ZBTB20: variants seen among roughly 807,000 people sequenced by gnomAD.
ZBTB20 encodes zinc finger and BTB domain-containing protein 20.
In ZBTB20, 9 loss-of-function variants were observed where a neutral mutation model predicts 56.9. That is an observed-to-expected ratio of 0.16 (90% CI 0.10 to 0.28). ZBTB20 has a LOEUF of 0.28. Among genes scored for constraint, ZBTB20 ranks in the 10% least tolerant of loss-of-function variants. ZBTB20 has a pLI of 1.00. For synonymous variants in ZBTB20, 417 were observed against 420.7 expected, an observed-to-expected ratio of 0.99 and a Z score of 0.11; for missense variants, 655 against 1,003.0, an observed-to-expected ratio of 0.65 and a Z score of 4.69.
At chr3:114,365,921 C>T (rs1223877967) in intron 10 of ZBTB20, among the ~76,000 whole-genome samples, 1 of 152,094 alleles carries the variant, frequency 6.6e-6, no homozygotes, top group Admixed American at 6.6e-5. Flanking sequence ...TGTAGGTCTG[C>T]TGAATGAAAA....
chr3:114,443,852 A>G (rs1254605277), intron 7 of ZBTB20, among the ~76,000 whole-genome samples: 1 of 152,214 alleles, frequency 6.6e-6, no homozygotes, highest in Non-Finnish European at 1.5e-5. Flanking sequence ...TTCTCTTTAC[A>G]GACGTGGAAC....
intron 2 of ZBTB20, among the ~76,000 whole-genome samples, chr3:115,049,687 G>A (rs1470470954): frequency 6.6e-6 from 1 of 152,070 alleles, no homozygotes; most frequent in East Asian, 1.9e-4. Flanking sequence ...TGTTCAACTG[G>A]TATAAGGCAA....
chr3:115,139,942 TAGAA>T (rs1254314466), intron 1 of ZBTB20, among the ~76,000 whole-genome samples: 2 of 152,080 alleles, frequency 1.3e-5, no homozygotes, highest in Non-Finnish European at 2.9e-5. Flanking sequence ...TGTGCTATGT[TAGAA>T]AGCATGTATC....
chr3:114,866,635 T>A (rs2075774124), intron 4 of ZBTB20, among the ~76,000 whole-genome samples: 1 of 152,204 alleles, frequency 6.6e-6, no homozygotes, highest in Non-Finnish European at 1.5e-5. Context: ...AGTTGGAGGC[T>A]GGAACAGAAC....
At chr3:114,682,952 G>T (rs1333775554) in intron 6 of ZBTB20, among the ~76,000 whole-genome samples, 1 of 152,068 alleles carries the variant, frequency 6.6e-6, no homozygotes, top group Non-Finnish European at 1.5e-5. Context: ...GAGACTTTAG[G>T]TATTTTCTGC....
intron 7 of ZBTB20, among the ~76,000 whole-genome samples, chr3:114,477,785 G>T (rs1289082919): frequency 6.7e-6 from 1 of 150,338 alleles, no homozygotes; most frequent in Non-Finnish European, 1.5e-5. Flanking sequence ...ATGAGCCACC[G>T]CGCCCGGTCC....
intron 3 of ZBTB20, among the ~76,000 whole-genome samples, chr3:114,944,018 T>C (rs1167329178): frequency 2.1e-5 from 3 of 145,448 alleles, no homozygotes; most frequent in Non-Finnish European, 4.4e-5. Context: ...TTGTAAGGAT[T>C]AGTAAGTCTG....
chr3:114,971,163 A>T (rs1027219364), intron 3 of ZBTB20, among the ~76,000 whole-genome samples: 1 of 152,172 alleles, frequency 6.6e-6, no homozygotes, highest in African/African-American at 2.4e-5. Flanking sequence ...GTTGGATGAG[A>T]GATATTCTAA....
At chr3:114,573,493 G>A (rs1653517641) in intron 6 of ZBTB20, among the ~76,000 whole-genome samples, 1 of 123,948 alleles carries the variant, frequency 8.1e-6, no homozygotes, top group African/African-American at 3.0e-5. Context: ...AAGACAGAAA[G>A]AAAGATGAAA....
At chr3:114,751,408 C>T (rs1048806310) in intron 5 of ZBTB20, among the ~76,000 whole-genome samples, 2 of 152,108 alleles carry the variant, frequency 1.3e-5, no homozygotes, top group African/African-American at 2.4e-5. Flanking sequence ...TAAACTTCCA[C>T]GTAACACCTG....
intron 6 of ZBTB20, among the ~76,000 whole-genome samples, chr3:114,641,098 G>A (rs923653149): frequency 3.9e-5 from 6 of 151,932 alleles, no homozygotes; most frequent in South Asian, 2.1e-4. Context: ...AGAAGGGAAA[G>A]AACTACATAT....
intron 5 of ZBTB20, among the ~76,000 whole-genome samples, chr3:114,699,807 C>T (rs1234570044): frequency 6.6e-6 from 1 of 151,974 alleles, no homozygotes; most frequent in Non-Finnish European, 1.5e-5. Flanking sequence ...TGAGAACTTA[C>T]CTGTTCTTCT....
chr3:114,997,977 T>C (rs1169681706), intron 2 of ZBTB20, among the ~76,000 whole-genome samples: 1 of 151,846 alleles, frequency 6.6e-6, no homozygotes, highest in Non-Finnish European at 1.5e-5. Context: ...AGATTTCATT[T>C]TTGAAATCAT....
Position 114,844,862 on chromosome 3 carries a change from T to TC in ZBTB20, c.-416-43689_-416-43688insG, listed in dbSNP as rs1262226249. ...TCATATACCATCTTTTTCTTTTTCTTTTTTTTTTTTTTTTGGTGAAGTGCC... is the reference window on the plus strand; with the variant it reads ...TCATATACCATCTTTTTCTTTTTCTTCTTTTTTTTTTTTTTGGTGAAGTGCC... On this transcript the variant is annotated intron_variant, in intron 4 of 11. Transcript: ENST00000675478. Among the ~76,000 whole-genome samples, 15 of 146,846 alleles carry TC rather than the reference T, an allele frequency of 1.0e-4. 1 individual carries two copies. The South Asian group carries it at 3.0e-3, about 29-fold the overall frequency.
intron 5 of ZBTB20, among the ~76,000 whole-genome samples, chr3:114,697,981 A>G (rs1345325199): frequency 2.6e-5 from 4 of 152,138 alleles, no homozygotes; most frequent in African/African-American, 9.7e-5. Context: ...TGAATGCCTG[A>G]AAGTTCTAAT....
chr3:114,696,064 G>A (rs939286681), intron 5 of ZBTB20, among the ~76,000 whole-genome samples: 2 of 151,904 alleles, frequency 1.3e-5, no homozygotes, highest in African/African-American at 2.4e-5. Context: ...AAAGATTTCC[G>A]CAAGTCATCA....
At chr3:114,956,431 G>A (rs1398864813) in intron 3 of ZBTB20, among the ~76,000 whole-genome samples, 1 of 152,160 alleles carries the variant, frequency 6.6e-6, no homozygotes, top group Non-Finnish European at 1.5e-5. Flanking sequence ...AGACATCCTG[G>A]AAATAGGCCA....
At chr3:114,596,582 C>T (rs895083694) in intron 6 of ZBTB20, among the ~76,000 whole-genome samples, 7 of 152,132 alleles carry the variant, frequency 4.6e-5, no homozygotes, top group Non-Finnish European at 7.3e-5. Flanking sequence ...GTGCGGTTAT[C>T]GAGGCCCCCA....
intron 3 of ZBTB20, among the ~76,000 whole-genome samples, chr3:114,958,833 A>G (rs1349164230): frequency 1.3e-5 from 2 of 151,748 alleles, no homozygotes; most frequent in Non-Finnish European, 2.9e-5. Flanking sequence ...CCTGGCCAAT[A>G]GAGTGAGAGT....
Sources: allele counts gnomAD v4.1 joint callset (sites outside exome capture counted in the v4.1 genomes callset), GRCh38; gene constraint gnomAD v4.1.1; transcripts MANE v1.5; gene names NCBI Gene and HGNC (gene_info 2026-07-23, HGNC 2026-07-21).